The following NKAIN2 variants were observed in gnomAD, a reference collection of about 807,000 sequenced individuals.
NKAIN2 encodes sodium/potassium-transporting ATPase subunit beta-1-interacting protein 2.
A neutral mutation model predicts 32.6 loss-of-function variants in NKAIN2; 14 were observed. The observed-to-expected ratio is 0.43, with a 90% CI of 0.28 to 0.67. The LOEUF (loss-of-function observed/expected upper bound fraction) is 0.67, where lower values mean the gene tolerates loss of function less well. NKAIN2 is among the 30% of genes least tolerant of loss of function. The probability of loss-of-function intolerance (pLI) is 0.17; values close to 1 mark genes in which losing one functional copy is unlikely to be tolerated. For synonymous variants in NKAIN2, 80 were observed against 87.2 expected (o/e 0.92, Z 0.46); for missense variants, 198 against 258.3 (o/e 0.77, Z 1.60).
intron 4 of NKAIN2, among the ~76,000 whole-genome samples, chr6:124,664,793 CAAAAAAAAAAAAAAAAAAAAA>C (rs57032378): frequency 1.2e-4 from 5 of 40,798 alleles, no homozygotes; most frequent in South Asian, 1.7e-3. Context: ...GACTCCGTCT[CAAAAAAAAAAAAAAAAAAAAA>C]AAAAAAAAAA....
chr6:124,622,462 C>T (rs1783142260), intron 3 of NKAIN2, among the ~76,000 whole-genome samples: 1 of 152,062 alleles, frequency 6.6e-6, no homozygotes, highest in Non-Finnish European at 1.5e-5. Flanking sequence ...TGCCTGCAGC[C>T]CCAGTGTTAC....
intron 1 of NKAIN2, among the ~76,000 whole-genome samples, chr6:124,127,836 T>G (rs542661098): frequency 1.4e-5 from 2 of 147,972 alleles, no homozygotes; most frequent in African/African-American, 4.9e-5. Context: ...GCTATTCCCG[T>G]TTTTTTTTTA....
At position 124,793,680 on chromosome 6, in the gene NKAIN2, A is replaced by T. The variant is rs755211316; in HGVS notation, c.535+2281A>T. ...GCTAGTTCCACAAGACATACTGCTCAAAAAAAAAAAAAAAAAGATTCCAAA... is the reference window on the plus strand; with the variant it reads ...GCTAGTTCCACAAGACATACTGCTCTAAAAAAAAAAAAAAAAGATTCCAAA... On this transcript the variant is annotated intron_variant, in intron 5 of 6. Transcript: ENST00000368417. Among the ~76,000 whole-genome samples, 535 of 147,056 alleles carry T rather than the reference A, an allele frequency of 3.6e-3. 7 individuals carry two copies. The highest frequency in any genetic ancestry group is 5.5e-3 in the East Asian group (28 of 5,106).
intron 3 of NKAIN2, among the ~76,000 whole-genome samples, chr6:124,484,846 G>A (rs1163727117): frequency 6.6e-6 from 1 of 152,018 alleles, no homozygotes; most frequent in Non-Finnish European, 1.5e-5. Flanking sequence ...TGTCCTGTTG[G>A]GGGTGCAGGA....
At chr6:124,591,062 CTGGTAAGTCTGAGCCT>C (rs1781893270) in intron 3 of NKAIN2, among the ~76,000 whole-genome samples, 1 of 152,186 alleles carries the variant, frequency 6.6e-6, no homozygotes, top group South Asian at 2.1e-4. Context: ...TGTGAGGGAC[CTGGTAAGTCTGAGCCT>C]GAAGATCATG....
chr6:124,067,671 T>C (rs1301462897), intron 1 of NKAIN2, among the ~76,000 whole-genome samples: 2 of 152,186 alleles, frequency 1.3e-5, no homozygotes, highest in Non-Finnish European at 2.9e-5. Flanking sequence ...CTGTGTGGTA[T>C]AGTGGTAAAA....
chr6:124,730,798 T>C (rs915186008), intron 4 of NKAIN2, among the ~76,000 whole-genome samples: 47 of 151,684 alleles, frequency 3.1e-4, no homozygotes, highest in African/African-American at 1.1e-3. Context: ...AGAAAATTTT[T>C]GCAACCTACT....
intron 1 of NKAIN2, among the ~76,000 whole-genome samples, chr6:124,131,161 T>G (rs539506935): frequency 1.3e-5 from 2 of 152,198 alleles, no homozygotes; most frequent in East Asian, 3.9e-4. Context: ...TTGTTTGTTT[T>G]TTTGATACAG....
intron 1 of NKAIN2, among the ~76,000 whole-genome samples, chr6:123,904,671 AATGAAC>A (rs1047463387): frequency 6.6e-6 from 1 of 152,226 alleles, no homozygotes; most frequent in African/African-American, 2.4e-5. Context: ...CTTTTCACTC[AATGAAC>A]ATGTCCATGA....
chr6:123,967,935 A>G (rs1259015762), intron 1 of NKAIN2, among the ~76,000 whole-genome samples: 1 of 152,134 alleles, frequency 6.6e-6, no homozygotes. Flanking sequence ...GTGACGCTCT[A>G]AGGGCTCACT....
chr6:124,715,128 C>G (rs1338551914), intron 4 of NKAIN2, among the ~76,000 whole-genome samples: 3 of 152,160 alleles, frequency 2.0e-5, no homozygotes, highest in Non-Finnish European at 4.4e-5. Flanking sequence ...CTGGAGCCCT[C>G]TAGAATACAG....
chr6:124,075,671 C>T (rs1783664867), intron 1 of NKAIN2, among the ~76,000 whole-genome samples: 1 of 152,164 alleles, frequency 6.6e-6, no homozygotes, highest in Non-Finnish European at 1.5e-5. Flanking sequence ...TCTCAGCACA[C>T]TGCAACCTCT....
At chr6:123,966,112 T>G (rs1778064901) in intron 1 of NKAIN2, among the ~76,000 whole-genome samples, 1 of 152,188 alleles carries the variant, frequency 6.6e-6, no homozygotes, top group Admixed American at 6.5e-5. Flanking sequence ...TTCCGCCTGC[T>G]GTTTTTGGCT....
chr6:123,992,110 C>T (rs1779438799), intron 1 of NKAIN2, among the ~76,000 whole-genome samples: 1 of 151,946 alleles, frequency 6.6e-6, no homozygotes, highest in African/African-American at 2.4e-5. Context: ...TCTGGGCTGG[C>T]AGTGGAGGCT....
At chr6:124,342,814 T>TTTATTATTATTATTATTA (rs56290836) in intron 2 of NKAIN2, among the ~76,000 whole-genome samples, 13 of 145,462 alleles carry the variant, frequency 8.9e-5, no homozygotes, top group African/African-American at 3.3e-4. Context: ...CAGAAGATGT[T>TTTATTATTATTATTATTA]TTATTATTAT....
intron 1 of NKAIN2, among the ~76,000 whole-genome samples, chr6:124,043,807 G>T (rs1334808453): frequency 1.3e-5 from 2 of 152,054 alleles, no homozygotes; most frequent in African/African-American, 4.8e-5. Flanking sequence ...AGGCACTGAG[G>T]ACTAAGAAGG....
At chr6:124,548,027 C>T (rs1386752585) in intron 3 of NKAIN2, among the ~76,000 whole-genome samples, 1 of 152,108 alleles carries the variant, frequency 6.6e-6, no homozygotes, top group Non-Finnish European at 1.5e-5. Context: ...GTGAAATTTG[C>T]AGTAAAATCT....
rs542544865 is a variant in NKAIN2 at position 123,808,189 on chromosome 6, G to C, written c.54+3935G>C. On this transcript the variant is annotated intron_variant, in intron 1 of 6. Transcript: ENST00000368417. ...CAGGTAGAATCTTATGATATTCCTG[G>C]TATACTTCTGACAAGTTTGACGGTT... Among the ~76,000 whole-genome samples the C allele has an allele frequency of 1.3e-3, 199 of 152,156 alleles. 1 individual carries two copies. Among genetic ancestry groups the C allele is most frequent in the African/African-American group, 4.6e-3 (192 of 41,532 alleles).
chr6:124,542,313 G>T (rs1779941409), intron 3 of NKAIN2, among the ~76,000 whole-genome samples: 1 of 152,146 alleles, frequency 6.6e-6, no homozygotes, highest in Admixed American at 6.5e-5. Context: ...AAAGTCTGGT[G>T]ATGGGTGGGA....
Sources: allele counts gnomAD v4.1 joint callset (sites outside exome capture counted in the v4.1 genomes callset), GRCh38; gene constraint gnomAD v4.1.1; transcripts MANE v1.5; gene names NCBI Gene and HGNC (gene_info 2026-07-23, HGNC 2026-07-21).